Variants in ADAMTS12 observed in about 807,000 individuals in gnomAD.
ADAMTS12 encodes the protein A disintegrin and metalloproteinase with thrombospondin motifs 12.
ADAMTS12 carries 118 observed loss-of-function variants against 167.8 expected under a neutral mutation model. The observed-to-expected ratio is 0.70, with a 90% CI of 0.61 to 0.82. The LOEUF (loss-of-function observed/expected upper bound fraction) is 0.82, where lower values mean the gene tolerates loss of function less well. ADAMTS12 is among the 40% of genes least tolerant of loss of function. The pLI is 0.00. For missense variants in ADAMTS12, 1,916 were observed against 1,998.8 expected (o/e 0.96, Z 0.79); for synonymous variants, 704 against 716.9 (o/e 0.98, Z 0.29).
At chr5:33,808,776 C>T (rs1015972475) in intron 2 of ADAMTS12, among the ~76,000 whole-genome samples, 9 of 152,190 alleles carry the variant, frequency 5.9e-5, no homozygotes, top group African/African-American at 2.2e-4. Flanking sequence ...ACTCCTTTCA[C>T]AGATGAAGAA....
intron 19 of ADAMTS12, among the ~76,000 whole-genome samples, chr5:33,570,708 C>T (rs1251721223): frequency 6.6e-6 from 1 of 151,118 alleles, no homozygotes; most frequent in Non-Finnish European, 1.5e-5. Context: ...AAATAACCAG[C>T]TAACATCATA....
intron 11 of ADAMTS12, among the ~76,000 whole-genome samples, chr5:33,638,985 G>A (rs886398271): frequency 3.3e-5 from 5 of 152,160 alleles, no homozygotes; most frequent in Admixed American, 3.3e-4. Context: ...ATCAGGGAGT[G>A]TGCCTCCTAT....
intron 19 of ADAMTS12, among the ~76,000 whole-genome samples, chr5:33,565,240 C>T (rs1011634026): frequency 1.3e-5 from 2 of 152,210 alleles, no homozygotes; most frequent in Non-Finnish European, 2.9e-5. Context: ...ACTGCAACCT[C>T]TGCCTCCCGG....
At chr5:33,643,587 G>C in intron 9 of ADAMTS12, 117 bp from the exon 10 acceptor site, 2 of 806,062 alleles carry the variant, frequency 2.5e-6, no homozygotes. Context: ...ACTGTTGTTA[G>C]TGACTAAGAG....
At chr5:33,775,781 G>C (rs1745892821) in intron 2 of ADAMTS12, among the ~76,000 whole-genome samples, 1 of 152,158 alleles carries the variant, frequency 6.6e-6, no homozygotes, top group Non-Finnish European at 1.5e-5. Flanking sequence ...TGGGATCTGA[G>C]TGTTTGTGTT....
chr5:33,820,079 T>C (rs1747815198), intron 2 of ADAMTS12, among the ~76,000 whole-genome samples: 1 of 152,190 alleles, frequency 6.6e-6, no homozygotes, highest in African/African-American at 2.4e-5. Flanking sequence ...ACTGTGGCCT[T>C]GGAAAAATCA....
At chr5:33,827,390 T>TC (rs1455983635) in intron 2 of ADAMTS12, among the ~76,000 whole-genome samples, 8 of 151,996 alleles carry the variant, frequency 5.3e-5, no homozygotes. Flanking sequence ...AACGGACTTC[T>TC]CCCCACAGTC....
intron 18 of ADAMTS12, among the ~76,000 whole-genome samples, chr5:33,587,456 G>GTTA (rs950636651): frequency 5.3e-5 from 8 of 152,028 alleles, no homozygotes; most frequent in African/African-American, 1.9e-4. Flanking sequence ...TGGCATTATT[G>GTTA]TTATTATTAT....
intron 3 of ADAMTS12, among the ~76,000 whole-genome samples, chr5:33,704,357 T>A (rs902450446): frequency 6.6e-6 from 1 of 152,240 alleles, no homozygotes; most frequent in Non-Finnish European, 1.5e-5. Context: ...CCTTTGAATG[T>A]ACACCCAGAA....
intron 20 of ADAMTS12, among the ~76,000 whole-genome samples, chr5:33,559,779 T>C (rs2111882031): frequency 6.6e-6 from 1 of 151,962 alleles, no homozygotes; most frequent in South Asian, 2.1e-4. Flanking sequence ...TACCCGGAGG[T>C]TAAGGCACGA....
At chr5:33,618,542 T>G (rs1739142325) in intron 14 of ADAMTS12, among the ~76,000 whole-genome samples, 1 of 152,222 alleles carries the variant, frequency 6.6e-6, no homozygotes, top group African/African-American at 2.4e-5. Flanking sequence ...ACCCTTCTGT[T>G]AGACTGTCCA....
chr5:33,868,132 A>C (rs1369902401), intron 2 of ADAMTS12, among the ~76,000 whole-genome samples: 5 of 152,160 alleles, frequency 3.3e-5, no homozygotes, highest in African/African-American at 1.2e-4. Context: ...GAGTCAATTA[A>C]ACCTCTTTTC....
intron 19 of ADAMTS12, among the ~76,000 whole-genome samples, chr5:33,570,461 A>G (rs1746266964): frequency 6.6e-6 from 1 of 152,180 alleles, no homozygotes; most frequent in Non-Finnish European, 1.5e-5. Context: ...TAAAGAAAAG[A>G]ATTTTCAACC....
chr5:33,645,118 A>G (rs997318561), intron 9 of ADAMTS12, among the ~76,000 whole-genome samples: 4 of 151,428 alleles, frequency 2.6e-5, no homozygotes, highest in African/African-American at 7.3e-5. Flanking sequence ...CCAGGCATCC[A>G]TGGTATCTCC....
At chr5:33,887,445 G>A (rs566559870) in intron 1 of ADAMTS12, among the ~76,000 whole-genome samples, 1 of 152,286 alleles carries the variant, frequency 6.6e-6, no homozygotes, top group African/African-American at 2.4e-5. Flanking sequence ...AAGGCGGGTT[G>A]TCAATAAGGT....
At chr5:33,841,292 G>A (rs1748736072) in intron 2 of ADAMTS12, among the ~76,000 whole-genome samples, 1 of 152,120 alleles carries the variant, frequency 6.6e-6, no homozygotes, top group Non-Finnish European at 1.5e-5. Flanking sequence ...CCTTTTTGTA[G>A]CATAAAGGGC....
chr5:33,643,854 G>A (rs1195641246), intron 9 of ADAMTS12, among the ~76,000 whole-genome samples: 1 of 152,216 alleles, frequency 6.6e-6, no homozygotes, highest in East Asian at 1.9e-4. Context: ...ACTAACAGTT[G>A]GGGGTGGTTA....
intron 2 of ADAMTS12, among the ~76,000 whole-genome samples, chr5:33,872,340 T>G (rs1362043761): frequency 6.6e-6 from 1 of 151,882 alleles, no homozygotes; most frequent in Admixed American, 6.6e-5. Flanking sequence ...GGTCAGGAGT[T>G]CGAGACCAGC....
chr5:33,750,632 T>G (rs903952114), intron 3 of ADAMTS12, among the ~76,000 whole-genome samples: 24 of 152,242 alleles, frequency 1.6e-4, no homozygotes, highest in Non-Finnish European at 2.5e-4. Context: ...GGAGACATTA[T>G]GTAATATTTA....
Sources: allele counts gnomAD v4.1 joint callset (sites outside exome capture counted in the v4.1 genomes callset), GRCh38; gene constraint gnomAD v4.1.1; transcripts MANE v1.5; gene names NCBI Gene and HGNC (gene_info 2026-07-23, HGNC 2026-07-21).